SORCS3: variants seen among roughly 807,000 people sequenced by gnomAD.
The protein encoded by SORCS3 is sortilin related VPS10 domain containing receptor 3, also known as VPS10 domain-containing receptor SorCS3.
A neutral mutation model predicts 146.3 loss-of-function variants in SORCS3; 57 were observed. The observed-to-expected ratio is 0.39, with a 90% CI of 0.31 to 0.49. The LOEUF is 0.49. Ranked by LOEUF, SORCS3 falls within the 20% of genes least tolerant of loss-of-function variation. The probability of loss-of-function intolerance (pLI) is 0.92; values close to 1 mark genes in which losing one functional copy is unlikely to be tolerated. For missense variants in SORCS3, 1,341 were observed against 1,575.5 expected (o/e 0.85, Z 2.52); for synonymous variants, 653 against 618.5 (o/e 1.06, Z -0.83).
chr10:105,246,828 G>T (rs1302202270), intron 21 of SORCS3, among the ~76,000 whole-genome samples: 3 of 152,192 alleles, frequency 2.0e-5, no homozygotes, highest in African/African-American at 7.2e-5. Context: ...AATGGGTGAA[G>T]GGATTAAAGA....
chr10:104,929,019 T>C (rs1263941326), intron 3 of SORCS3, among the ~76,000 whole-genome samples: 1 of 151,996 alleles, frequency 6.6e-6, no homozygotes. Flanking sequence ...CAGCCAGAGG[T>C]AGGAAAAGTA....
rs79766418 is a variant in SORCS3 at position 104,711,773 on chromosome 10, C to T, written c.627+69819C>T. The stretch of plus-strand genomic sequence containing the variant: ...TTGGAAGCATCACAGGCTACTGAGT[C>T]CAGGGTATTGTGGCTCTGGGACACC... On this transcript the variant is annotated intron_variant, in intron 1 of 26. Coordinates refer to ENST00000369701, the MANE Select transcript of SORCS3 (RefSeq NM_014978.3). Among the ~76,000 whole-genome samples the T allele has an allele frequency of 4.0e-3, 605 of 152,238 alleles. 8 individuals carry two copies. The highest frequency in any genetic ancestry group is 0.02 in the Admixed American group (308 of 15,304).
intron 2 of SORCS3, among the ~76,000 whole-genome samples, chr10:104,897,731 C>A (rs575678609): frequency 3.3e-5 from 5 of 152,254 alleles, no homozygotes; most frequent in African/African-American, 1.2e-4. Flanking sequence ...TTTGTGAGTG[C>A]AGAATATAGT....
intron 3 of SORCS3, among the ~76,000 whole-genome samples, chr10:104,921,547 A>G (rs919970450): frequency 2.0e-5 from 3 of 151,486 alleles, no homozygotes; most frequent in Admixed American, 6.6e-5. Context: ...GATGAAAACT[A>G]TAAGGTCTGA....
intron 3 of SORCS3, among the ~76,000 whole-genome samples, chr10:104,928,471 C>A (rs2019172722): frequency 1.3e-5 from 2 of 152,274 alleles, no homozygotes; most frequent in African/African-American, 4.8e-5. Context: ...CTCACTGCCC[C>A]TGAGGTAGAG....
intron 2 of SORCS3, among the ~76,000 whole-genome samples, chr10:104,854,790 A>C (rs1489564166): frequency 6.6e-6 from 1 of 152,172 alleles, no homozygotes; most frequent in Admixed American, 6.5e-5. Flanking sequence ...TTATTTCAAA[A>C]ATGTTATAGG....
At chr10:105,253,173 C>A (rs2056911194) in intron 23 of SORCS3, among the ~76,000 whole-genome samples, 1 of 152,092 alleles carries the variant, frequency 6.6e-6, no homozygotes, top group African/African-American at 2.4e-5. Context: ...CCCAGTGACT[C>A]TTCCTGGGAT....
chr10:105,060,491 G>A (rs555314931), intron 5 of SORCS3, among the ~76,000 whole-genome samples: 2 of 152,236 alleles, frequency 1.3e-5, no homozygotes, highest in South Asian at 2.1e-4. Flanking sequence ...TCTTTAGGAA[G>A]CTCATTTTTA....
At chr10:104,996,221 C>T (rs2133667641) in intron 4 of SORCS3, among the ~76,000 whole-genome samples, 1 of 152,242 alleles carries the variant, frequency 6.6e-6, no homozygotes, top group Admixed American at 6.5e-5. Flanking sequence ...TTTCTACCCC[C>T]TACCTCCAAA....
intron 5 of SORCS3, among the ~76,000 whole-genome samples, chr10:105,068,754 A>T (rs73344320): frequency 0.059 from 8,960 of 152,286 alleles, 282 homozygotes; most frequent in Middle Eastern, 0.088. Flanking sequence ...ATTTGAGGCA[A>T]TTCAAGGTTA....
chr10:105,179,201 C>T (rs755220596), intron 14 of SORCS3, among the ~76,000 whole-genome samples: 2 of 152,144 alleles, frequency 1.3e-5, no homozygotes, highest in South Asian at 2.1e-4. Flanking sequence ...TTCTTTTGGG[C>T]ATTACTTTGA....
At chr10:104,829,833 CCTT>C (rs1180808092) in intron 1 of SORCS3, among the ~76,000 whole-genome samples, 1 of 152,092 alleles carries the variant, frequency 6.6e-6, no homozygotes, top group Non-Finnish European at 1.5e-5. Context: ...TCCTTGATAT[CCTT>C]GTATCTCCCA....
At chr10:105,066,204 A>G (rs1447682864) in intron 5 of SORCS3, among the ~76,000 whole-genome samples, 1 of 152,208 alleles carries the variant, frequency 6.6e-6, no homozygotes, top group Non-Finnish European at 1.5e-5. Flanking sequence ...AAAGGCCTGC[A>G]TTAACAGTAA....
intron 6 of SORCS3, among the ~76,000 whole-genome samples, chr10:105,101,360 T>C (rs2055783379): frequency 6.6e-6 from 1 of 152,148 alleles, no homozygotes; most frequent in Non-Finnish European, 1.5e-5. Context: ...CCTGACAATT[T>C]AGTTTCCCCA....
intron 9 of SORCS3, among the ~76,000 whole-genome samples, chr10:105,154,198 C>T (rs1173997313): frequency 6.6e-6 from 1 of 152,090 alleles, no homozygotes; most frequent in Non-Finnish European, 1.5e-5. Flanking sequence ...TTATCAGGAC[C>T]TTCAGTGACC....
intron 1 of SORCS3, among the ~76,000 whole-genome samples, chr10:104,742,051 A>T (rs1208087118): frequency 6.6e-6 from 1 of 151,272 alleles, no homozygotes; most frequent in Non-Finnish European, 1.5e-5. Flanking sequence ...ATGACTCTGG[A>T]TCTTATTTTG....
chr10:104,802,916 A>T (rs2017639796), intron 1 of SORCS3, among the ~76,000 whole-genome samples: 1 of 152,198 alleles, frequency 6.6e-6, no homozygotes, highest in Admixed American at 6.5e-5. Flanking sequence ...AGCTTGAACA[A>T]TATGGAGATT....
intron 7 of SORCS3, among the ~76,000 whole-genome samples, chr10:105,133,176 G>A (rs1008476225): frequency 2.6e-5 from 4 of 152,186 alleles, no homozygotes; most frequent in Admixed American, 6.5e-5. Context: ...CCCTGAAGGG[G>A]TGTGTGATGT....
intron 7 of SORCS3, among the ~76,000 whole-genome samples, chr10:105,109,299 G>C (rs2055843573): frequency 6.6e-6 from 1 of 152,038 alleles, no homozygotes; most frequent in African/African-American, 2.4e-5. Flanking sequence ...AAGCACTACA[G>C]AAGAAAGGTG....
Sources: allele counts gnomAD v4.1 joint callset (sites outside exome capture counted in the v4.1 genomes callset), GRCh38; gene constraint gnomAD v4.1.1; transcripts MANE v1.5; gene names NCBI Gene and HGNC (gene_info 2026-07-23, HGNC 2026-07-21).